The following MCTP1 variants were observed in gnomAD, a reference collection of about 807,000 sequenced individuals.
The protein encoded by MCTP1 is multiple C2 and transmembrane domain-containing protein 1.
MCTP1 carries 69 observed loss-of-function variants against 120.6 expected under a neutral mutation model. That is an observed-to-expected ratio of 0.57 (90% confidence interval 0.47 to 0.70). The LOEUF (loss-of-function observed/expected upper bound fraction) is 0.70, where lower values mean the gene tolerates loss of function less well. Among genes scored for constraint, MCTP1 ranks in the 30% least tolerant of loss-of-function variants. The pLI is 0.00. For missense variants in MCTP1, 1,203 were observed against 1,248.8 expected, an observed-to-expected ratio of 0.96 and a Z score of 0.55; for synonymous variants, 529 against 493.1, an observed-to-expected ratio of 1.07 and a Z score of -0.96.
chr5:95,101,115 AC>A (rs1294493165), intron 1 of MCTP1, among the ~76,000 whole-genome samples: 1 of 152,142 alleles, frequency 6.6e-6, no homozygotes, highest in African/African-American at 2.4e-5. Flanking sequence ...ACAAACTATG[AC>A]TCTATATTGC....
chr5:95,240,481 T>G (rs1316649438), intron 1 of MCTP1, among the ~76,000 whole-genome samples: 1 of 152,196 alleles, frequency 6.6e-6, no homozygotes, highest in Non-Finnish European at 1.5e-5. Context: ...GGTGGAGCAG[T>G]GAGGCCAAGG....
chr5:94,796,223 A>C (rs1779970357), intron 18 of MCTP1, among the ~76,000 whole-genome samples: 1 of 151,922 alleles, frequency 6.6e-6, no homozygotes, highest in Admixed American at 6.5e-5. Flanking sequence ...TTTCGTTTAT[A>C]GTTTTCACCC....
At chr5:95,228,470 A>AGAG (rs1754539099) in intron 1 of MCTP1, among the ~76,000 whole-genome samples, 13 of 147,426 alleles carry the variant, frequency 8.8e-5, no homozygotes, top group African/African-American at 2.7e-4. Context: ...ATGCAGCCAA[A>AGAG]AGAGAGAGAG....
At chr5:95,134,272 C>A (rs1759272368) in intron 1 of MCTP1, among the ~76,000 whole-genome samples, 1 of 152,064 alleles carries the variant, frequency 6.6e-6, no homozygotes, top group Non-Finnish European at 1.5e-5. Context: ...AAACATGATT[C>A]CACTAAAAGC....
intron 1 of MCTP1, among the ~76,000 whole-genome samples, chr5:95,049,513 A>G (rs1379854244): frequency 6.6e-6 from 1 of 152,206 alleles, no homozygotes; most frequent in Non-Finnish European, 1.5e-5. Context: ...TGAGGCACTG[A>G]AACTAAAACG....
In MCTP1 at chr5:95,284,338, C is replaced by G; in HGVS notation, c.238G>C (p.Gly80Arg). 1 of 1,597,124 alleles carries G rather than the reference C, an allele frequency of 6.3e-7. No homozygotes were observed. Among genetic ancestry groups the G allele is most frequent in the South Asian group, 1.1e-5 (1 of 90,978 alleles). Residue 80 changes from glycine to arginine, a missense_variant, in exon 1 of 23, where the codon GGC (glycine) becomes CGC (arginine). Physicochemically the swap from Gly to Arg is moderately radical, Grantham distance 125 (BLOSUM62 -2). This residue lies in a region of MCTP1 where 463 missense variants were observed against 377.8 expected (regional missense o/e 1.23). Transcript: ENST00000515393. This position sits in a 1 kb window ranked among gnomAD's most constrained non-coding sequence, Gnocchi z 5.2. ...AGCACTTGCTTCCGCTTCTTGAAGC[C>G]GCTCCACCTGCTGCCTGCACCACTC... Reference protein sequence around the residue: ...RGSGAGSRWSGFKKRKQVLDR... With the variant: ...RGSGAGSRWSRFKKRKQVLDR...
intron 2 of MCTP1, among the ~76,000 whole-genome samples, chr5:95,013,697 C>G (rs1435156159): frequency 2.0e-5 from 3 of 152,022 alleles, no homozygotes; most frequent in African/African-American, 7.2e-5. Context: ...GAAAAATAAT[C>G]CTTTTAAAAT....
At chr5:95,020,524 A>G (rs1363242111) in intron 1 of MCTP1, among the ~76,000 whole-genome samples, 1 of 152,042 alleles carries the variant, frequency 6.6e-6, no homozygotes, top group Non-Finnish European at 1.5e-5. Flanking sequence ...AATCTATTGC[A>G]AATATTTCCT....
chr5:95,180,329 C>A (rs1199445904), intron 1 of MCTP1, among the ~76,000 whole-genome samples: 1 of 152,216 alleles, frequency 6.6e-6, no homozygotes, highest in Non-Finnish European at 1.5e-5. Context: ...TCCAAACATT[C>A]CAGTTGGGCC....
At chr5:94,960,148 T>G (rs1490873191) in intron 2 of MCTP1, among the ~76,000 whole-genome samples, 1 of 152,080 alleles carries the variant, frequency 6.6e-6, no homozygotes, top group Non-Finnish European at 1.5e-5. Flanking sequence ...TTGAGAAACC[T>G]GACAAAAACA....
intron 1 of MCTP1, among the ~76,000 whole-genome samples, chr5:95,210,705 G>T (rs879038457): frequency 6.6e-6 from 1 of 151,654 alleles, no homozygotes; most frequent in Non-Finnish European, 1.5e-5. Flanking sequence ...GTGTGAATTT[G>T]ATCCTGTCAT....
At chr5:94,865,584 T>C (rs1796652950) in intron 17 of MCTP1, among the ~76,000 whole-genome samples, 1 of 151,892 alleles carries the variant, frequency 6.6e-6, no homozygotes, top group Non-Finnish European at 1.5e-5. Flanking sequence ...TGGAAAGCTG[T>C]TCTTTTCAAT....
At chr5:95,205,285 T>C (rs1751500271) in intron 1 of MCTP1, among the ~76,000 whole-genome samples, 1 of 152,100 alleles carries the variant, frequency 6.6e-6, no homozygotes. Context: ...GGGAAAATTG[T>C]ATATCTTCAT....
chr5:95,165,410 C>A (rs1455518192), intron 1 of MCTP1, among the ~76,000 whole-genome samples: 1 of 152,034 alleles, frequency 6.6e-6, no homozygotes, highest in East Asian at 1.9e-4. Context: ...ATGAAGCTGA[C>A]CTAGTTGATG....
Position 94,932,134 on chromosome 5 carries a change from C to T in MCTP1, c.1174-143G>A, listed in dbSNP as rs1045707970. 3.7e-5 allele frequency: 19 copies of T among 507,486 alleles called. No homozygotes were observed. The Admixed American group carries it at 4.5e-4, about 12-fold the overall frequency. 31.4% of individuals were successfully genotyped at this position (507,486 alleles called of 1,614,324 possible). ...AATTATACAACACAAAACTTGTTTG[C>T]CACGCACACACAACTAGAGAAACAA... On this transcript the variant is annotated intron_variant, in intron 5 of 22. Coordinates refer to ENST00000515393, the MANE Select transcript of MCTP1 (RefSeq NM_024717.7).
chr5:94,861,708 C>A (rs1280846191), intron 17 of MCTP1, among the ~76,000 whole-genome samples: 2 of 151,882 alleles, frequency 1.3e-5, no homozygotes, highest in East Asian at 3.9e-4. Flanking sequence ...AGTAGAAAAT[C>A]CTTCAGAAGA....
chr5:95,230,388 C>T (rs749311866), intron 1 of MCTP1, among the ~76,000 whole-genome samples: 9 of 152,070 alleles, frequency 5.9e-5, no homozygotes, highest in African/African-American at 1.4e-4. Context: ...ATGTAAGTTT[C>T]GGGGCTGATA....
intron 10 of MCTP1, among the ~76,000 whole-genome samples, chr5:94,898,414 T>C (rs1243141059): frequency 6.6e-6 from 1 of 152,222 alleles, no homozygotes; most frequent in East Asian, 1.9e-4. Flanking sequence ...TCAAATCATA[T>C]TGTTGCTGGC....
rs9314129 is a variant in MCTP1 at position 95,134,011 on chromosome 5, T to C, written c.721-116527A>G. On this transcript the variant is annotated intron_variant, in intron 1 of 22. Coordinates refer to ENST00000515393, the MANE Select transcript of MCTP1 (RefSeq NM_024717.7). ...CTGACCTCCTTATCCTAATAATTAGTGCATGCTTGGCACGTACTTTTCATC... is the reference window on the plus strand; with the variant it reads ...CTGACCTCCTTATCCTAATAATTAGCGCATGCTTGGCACGTACTTTTCATC... 5.4e-4 allele frequency among the ~76,000 whole-genome samples: 83 copies of C among 152,324 alleles called. 1 individual carries two copies. The highest frequency in any genetic ancestry group is 1.9e-3 in the African/African-American group (77 of 41,572).
Sources: allele counts gnomAD v4.1 joint callset (sites outside exome capture counted in the v4.1 genomes callset), GRCh38; gene constraint gnomAD v4.1.1; regional missense constraint gnomAD v4.1.1; non-coding constraint Gnocchi (gnomAD v3.1); transcripts MANE v1.5; gene names NCBI Gene and HGNC (gene_info 2026-07-23, HGNC 2026-07-21).